PAPPA2: variants seen among roughly 807,000 people sequenced by gnomAD.
The protein encoded by PAPPA2 is pappalysin-2.
A neutral mutation model predicts 176.4 loss-of-function variants in PAPPA2; 86 were observed. That is an observed-to-expected ratio of 0.49 (90% CI 0.41 to 0.58). The LOEUF (loss-of-function observed/expected upper bound fraction) is 0.58, where lower values mean the gene tolerates loss of function less well. Among genes scored for constraint, PAPPA2 ranks in the 20% least tolerant of loss-of-function variants. The pLI is 0.00. For missense variants in PAPPA2, 2,073 were observed against 2,256.9 expected (o/e 0.92, Z 1.65); for synonymous variants, 809 against 852.2 (o/e 0.95, Z 0.88).
chr1:176,832,497 C>T (rs1484216257), intron 21 of PAPPA2, among the ~76,000 whole-genome samples: 3 of 152,126 alleles, frequency 2.0e-5, no homozygotes, highest in Admixed American at 6.5e-5. Context: ...GGATTACAGG[C>T]GTGTGCCACT....
intron 3 of PAPPA2, among the ~76,000 whole-genome samples, chr1:176,633,648 A>G (rs1453527982): frequency 6.6e-6 from 1 of 152,222 alleles, no homozygotes; most frequent in Non-Finnish European, 1.5e-5. Context: ...TCTCCATCAG[A>G]GTGAACAGGC....
At chr1:176,650,103 C>T (rs1657630295) in intron 3 of PAPPA2, among the ~76,000 whole-genome samples, 1 of 151,448 alleles carries the variant, frequency 6.6e-6, no homozygotes, top group Non-Finnish European at 1.5e-5. Flanking sequence ...TATTTATAAT[C>T]ATTATATTAT....
chr1:176,735,695 TC>T (rs1662371728), intron 12 of PAPPA2, among the ~76,000 whole-genome samples: 3 of 136,796 alleles, frequency 2.2e-5, no homozygotes, highest in Admixed American at 7.4e-5. Context: ...TATCTATCTA[TC>T]TATCTATCTA....
Position 176,840,165 on chromosome 1 carries a change from C to T in PAPPA2, c.5203-8C>T. On this transcript the variant is annotated splice_polypyrimidine_tract_variant and splice_region_variant and intron_variant, in intron 21 of 22. Coordinates refer to ENST00000367662, the MANE Select transcript of PAPPA2 (RefSeq NM_020318.3). ...ATACTGAGATGTTGCCTTCTAACCTCCCTACAGCCCTTCCAAGCAGATGGT... is the reference window on the plus strand; with the variant it reads ...ATACTGAGATGTTGCCTTCTAACCTTCCTACAGCCCTTCCAAGCAGATGGT... 1 of 1,609,982 alleles carries T rather than the reference C, an allele frequency of 6.2e-7. No individual in the cohort carries two copies. The highest frequency in any genetic ancestry group is 1.7e-4 in the Middle Eastern group (1 of 6,048).
intron 1 of PAPPA2, among the ~76,000 whole-genome samples, chr1:176,549,038 A>C (rs1162597879): frequency 1.3e-5 from 2 of 152,228 alleles, no homozygotes; most frequent in Non-Finnish European, 2.9e-5. Context: ...TAATACTACT[A>C]CCATCTCAGG....
At chr1:176,816,015 G>T (rs963651524) in intron 21 of PAPPA2, among the ~76,000 whole-genome samples, 4 of 151,444 alleles carry the variant, frequency 2.6e-5, no homozygotes, top group African/African-American at 9.7e-5. Flanking sequence ...AGGGAGGAAG[G>T]TATGTGGCTT....
intron 8 of PAPPA2, among the ~76,000 whole-genome samples, chr1:176,701,379 C>CT (rs1660645337): frequency 6.6e-6 from 1 of 152,122 alleles, no homozygotes; most frequent in South Asian, 2.1e-4. Context: ...GACAAGCAGT[C>CT]TGACAGAAAC....
At chr1:176,499,723 A>G (rs1215532755) in intron 1 of PAPPA2, among the ~76,000 whole-genome samples, 1 of 152,172 alleles carries the variant, frequency 6.6e-6, no homozygotes, top group Non-Finnish European at 1.5e-5. Context: ...AAACCATTGC[A>G]AGGAGAATTT....
intron 12 of PAPPA2, among the ~76,000 whole-genome samples, chr1:176,712,220 A>C (rs1422601113): frequency 6.6e-6 from 1 of 152,200 alleles, no homozygotes; most frequent in Non-Finnish European, 1.5e-5. Flanking sequence ...AAGTGCAAAA[A>C]TCAGAAATGC....
rs775851842 is a variant in PAPPA2, at chr1:176,765,887, G to T, written c.4323+50G>T. ...AGGACCAAGTTCCTGGGAAGGGGAG[G>T]TATTCACACTCTTCTCTCTGGCTCC... is the stretch of plus-strand genomic sequence containing the variant. On this transcript the variant is annotated intron_variant, in intron 15 of 22. Coordinates refer to ENST00000367662, the MANE Select transcript of PAPPA2 (RefSeq NM_020318.3). The T allele has an allele frequency of 7.5e-6, 12 of 1,591,194 alleles. No individual in the cohort carries two copies. In the Middle Eastern group the frequency reaches 6.1e-4, roughly 81 times the overall value.
chr1:176,738,870 A>G (rs1292418095), intron 12 of PAPPA2, among the ~76,000 whole-genome samples: 2 of 151,916 alleles, frequency 1.3e-5, no homozygotes, highest in Admixed American at 6.6e-5. Context: ...AAGGATTTCT[A>G]AGGAAAACAC....
chr1:176,681,303 AC>A (rs1659574984), intron 4 of PAPPA2, among the ~76,000 whole-genome samples: 1 of 152,106 alleles, frequency 6.6e-6, no homozygotes, highest in Non-Finnish European at 1.5e-5. Flanking sequence ...TGTCTGTACC[AC>A]CACAGAGCAG....
At chr1:176,560,304 C>T (rs901312194) in intron 2 of PAPPA2, among the ~76,000 whole-genome samples, 6 of 152,208 alleles carry the variant, frequency 3.9e-5, no homozygotes, top group Non-Finnish European at 8.8e-5. Context: ...CTCCCACATT[C>T]TTCCAAAATA....
At chr1:176,594,264 T>A (rs1362137421) in intron 2 of PAPPA2, among the ~76,000 whole-genome samples, 1 of 152,240 alleles carries the variant, frequency 6.6e-6, no homozygotes, top group African/African-American at 2.4e-5. Flanking sequence ...GCTTTCCAGC[T>A]TCCATTTTAG....
At position 176,824,269 on chromosome 1, in the gene PAPPA2, G is replaced by A. The variant is rs74127242; in HGVS notation, c.5203-15904G>A. On this transcript the variant is annotated intron_variant, in intron 21 of 22. Coordinates refer to ENST00000367662, the MANE Select transcript of PAPPA2 (RefSeq NM_020318.3). ...TGTGCTATTTGTATGTGTTTTTGTT[G>A]CTGTATCTATTTTGAATGTCTGGTT... is the stretch of plus-strand genomic sequence containing the variant. Among the ~76,000 whole-genome samples, 819 of 152,296 alleles carry A rather than the reference G, an allele frequency of 5.4e-3. 11 individuals are homozygous for A. Among genetic ancestry groups the A allele is most frequent in the African/African-American group, 0.019 (774 of 41,570 alleles).
At chr1:176,760,651 C>G (rs1334504808) in intron 14 of PAPPA2, among the ~76,000 whole-genome samples, 1 of 152,188 alleles carries the variant, frequency 6.6e-6, no homozygotes, top group Non-Finnish European at 1.5e-5. Context: ...AGTTATCATT[C>G]ACATACACAA....
At chr1:176,754,573 C>G (rs1477685856) in intron 14 of PAPPA2, among the ~76,000 whole-genome samples, 4 of 151,894 alleles carry the variant, frequency 2.6e-5, no homozygotes, top group Non-Finnish European at 2.9e-5. Context: ...AAAAATAAGC[C>G]CCATGGCCCT....
At chr1:176,610,675 G>A (rs1240473191) in intron 3 of PAPPA2, among the ~76,000 whole-genome samples, 1 of 152,168 alleles carries the variant, frequency 6.6e-6, no homozygotes, top group Non-Finnish European at 1.5e-5. Flanking sequence ...CACATACAAG[G>A]TCTGGGGGAG....
At chr1:176,625,766 ATCCCT>A (rs1463826391) in intron 3 of PAPPA2, among the ~76,000 whole-genome samples, 1 of 152,226 alleles carries the variant, frequency 6.6e-6, no homozygotes, top group East Asian at 1.9e-4. Flanking sequence ...TACACCAGTA[ATCCCT>A]GTAGTTTGGG....
Sources: gnomAD v4.1 joint callset for allele counts (sites outside exome capture counted in the v4.1 genomes callset) on GRCh38, gnomAD v4.1.1 for gene constraint, MANE v1.5 for transcripts, NCBI Gene and HGNC (gene_info 2026-07-23, HGNC 2026-07-21) for gene names.